The following CELF2 variants were observed in gnomAD, a reference collection of about 807,000 sequenced individuals.
CELF2 encodes CUG triplet repeat RNA-binding protein 2.
CELF2 carries 8 observed loss-of-function variants against 62.6 expected under a neutral mutation model. The ratio of observed to expected loss-of-function variants is 0.13; its 90% CI spans 0.07 to 0.23. CELF2 has a LOEUF of 0.23. Among genes scored for constraint, CELF2 ranks in the 10% least tolerant of loss-of-function variants. CELF2 has a pLI of 1.00. For missense variants in CELF2, 333 were observed against 671.0 expected (o/e 0.50, Z 5.56); for synonymous variants, 258 against 250.0 (o/e 1.03, Z -0.30).
At chr10:10,765,902 CAGGCACAAGCGCACTGGCCCA>C in the CELF2 span, among the ~76,000 whole-genome samples, 2 of 152,148 alleles carry the variant, frequency 1.3e-5, no homozygotes, top group Non-Finnish European at 2.9e-5. Context: ...CCCTGGATCC[CAGGCACAAGCGCACTGGCCCA>C]AGGCACAAGC....
chr10:10,509,222 T>C, the CELF2 span, among the ~76,000 whole-genome samples: 2 of 152,224 alleles, frequency 1.3e-5, no homozygotes, highest in African/African-American at 4.8e-5. Context: ...GACTGGATAT[T>C]ACTCTGTTGT....
intron 1 of CELF2, among the ~76,000 whole-genome samples, chr10:10,879,814 G>A (rs1458937600): frequency 6.6e-6 from 1 of 152,072 alleles, no homozygotes; most frequent in East Asian, 1.9e-4. Context: ...TTTTCAAAGA[G>A]TTTCACTGCT....
intron 1 of CELF2, among the ~76,000 whole-genome samples, chr10:11,146,095 G>T (rs1225311710): frequency 1.3e-5 from 2 of 152,194 alleles, no homozygotes; most frequent in Non-Finnish European, 2.9e-5. Flanking sequence ...CCCAGCCCAG[G>T]ATTGCATAGC....
At chr10:11,101,061 A>G (rs1030983817) in intron 1 of CELF2, among the ~76,000 whole-genome samples, 2 of 152,174 alleles carry the variant, frequency 1.3e-5, no homozygotes, top group African/African-American at 2.4e-5. Context: ...TGTTTGAGAG[A>G]GATTTAGAAG....
intron 1 of CELF2, among the ~76,000 whole-genome samples, chr10:10,859,610 C>T (rs1177176072): frequency 6.6e-6 from 1 of 152,134 alleles, no homozygotes; most frequent in African/African-American, 2.4e-5. Context: ...AATAACCACA[C>T]ACACATACAC....
chr10:10,949,381 A>C (rs1253821502), intron 2 of CELF2, among the ~76,000 whole-genome samples: 1 of 152,102 alleles, frequency 6.6e-6, no homozygotes, highest in Non-Finnish European at 1.5e-5. Context: ...TGGCGTCACC[A>C]CTGTGGATAA....
chr10:11,316,404 G>A lies in CELF2; in HGVS notation c.1096+2146G>A, dbSNP rs1370961671. ...GAGCCGTTTTACAATCTCCAGCATT[G>A]ACCTCGAGCTAATATTTGCTGCTTG... is the stretch of plus-strand genomic sequence containing the variant. On this transcript the variant is annotated intron_variant, in intron 10 of 12. Transcript: ENST00000633077. The surrounding 1 kb of genome is among the most constrained non-coding windows in gnomAD (Gnocchi z 4.4). 6.6e-6 allele frequency among the ~76,000 whole-genome samples: 1 copy of A among 152,184 alleles called. No individual in the cohort carries two copies. The highest frequency in any genetic ancestry group is 2.4e-5 in the African/African-American group (1 of 41,436).
At chr10:10,926,712 C>G (rs2065503138) in intron 2 of CELF2, among the ~76,000 whole-genome samples, 1 of 152,142 alleles carries the variant, frequency 6.6e-6, no homozygotes, top group Non-Finnish European at 1.5e-5. Context: ...CATTGGGTTT[C>G]TGGTATTCTC....
At chr10:10,812,963 A>G (rs1343004891) in intron 1 of CELF2, among the ~76,000 whole-genome samples, 1 of 152,206 alleles carries the variant, frequency 6.6e-6, no homozygotes, top group Non-Finnish European at 1.5e-5. Flanking sequence ...TTGCCCAACT[A>G]TAAAATTGTA....
intron 2 of CELF2, among the ~76,000 whole-genome samples, chr10:10,920,235 G>C (rs999188310): frequency 1.3e-5 from 2 of 152,152 alleles, no homozygotes; most frequent in Non-Finnish European, 2.9e-5. Flanking sequence ...ACATTCCTTT[G>C]AAGTCATATG....
At chr10:11,023,011 A>G (rs1001891143) in intron 1 of CELF2, among the ~76,000 whole-genome samples, 3 of 152,242 alleles carry the variant, frequency 2.0e-5, no homozygotes, top group East Asian at 1.9e-4. Flanking sequence ...CTTATGTTCA[A>G]TGCTGCACTT....
chr10:10,899,750 G>T (rs1001335517), intron 1 of CELF2, among the ~76,000 whole-genome samples: 1 of 152,292 alleles, frequency 6.6e-6, no homozygotes, highest in Non-Finnish European at 1.5e-5. Context: ...GGAAAGTGAC[G>T]GGGAAGCTAG....
rs183676968 is a variant in CELF2, at chr10:10,825,683, T to A, written c.53+26866T>A. Among the ~76,000 whole-genome samples, 13 of 152,318 alleles carry A rather than the reference T, an allele frequency of 8.5e-5. 1 individual carries two copies. The East Asian group carries it at 2.5e-3, about 29-fold the overall frequency. Reference sequence around the variant, plus strand: ...AGCAGCCATCTAGGTATCCGGAGTGTTGGTGGACTTCTCTGCAAAGTAATA... The same window carrying A: ...AGCAGCCATCTAGGTATCCGGAGTGATGGTGGACTTCTCTGCAAAGTAATA... On this transcript the variant is annotated intron_variant, in intron 1 of 13. Transcript: ENST00000636488.
chr10:11,065,209 G>T (rs773937529), intron 1 of CELF2, among the ~76,000 whole-genome samples: 1 of 152,194 alleles, frequency 6.6e-6, no homozygotes, highest in African/African-American at 2.4e-5. Flanking sequence ...GTGGCCACGA[G>T]TTTGATGATT....
chr10:10,571,822 C>T, the CELF2 span, among the ~76,000 whole-genome samples: 12 of 152,162 alleles, frequency 7.9e-5, no homozygotes, highest in African/African-American at 2.2e-4. Flanking sequence ...AGTATAGGCA[C>T]GGACGGAATT....
intron 1 of CELF2, among the ~76,000 whole-genome samples, chr10:11,143,434 T>C (rs1048740208): frequency 6.6e-6 from 1 of 152,228 alleles, no homozygotes; most frequent in South Asian, 2.1e-4. Context: ...ATATGTGTGC[T>C]TCCTCTCACT....
At chr10:11,195,387 T>A (rs2057191567) in intron 2 of CELF2, among the ~76,000 whole-genome samples, 1 of 152,188 alleles carries the variant, frequency 6.6e-6, no homozygotes, top group Non-Finnish European at 1.5e-5. Context: ...ACTTCTGCTT[T>A]TGCTACATGA....
intron 1 of CELF2, among the ~76,000 whole-genome samples, chr10:11,161,978 C>T (rs529445574): frequency 5.3e-4 from 81 of 152,262 alleles, no homozygotes; most frequent in African/African-American, 1.5e-3. Context: ...AGTGAGTCTC[C>T]GCTAAAAATG....
chr10:10,537,544 AC>A, the CELF2 span, among the ~76,000 whole-genome samples: 1 of 152,138 alleles, frequency 6.6e-6, no homozygotes, highest in Non-Finnish European at 1.5e-5. Context: ...TCATCCACTT[AC>A]CTTAAAAAAT....
Sources: gnomAD v4.1 joint callset for allele counts (sites outside exome capture counted in the v4.1 genomes callset) on GRCh38, gnomAD v4.1.1 for gene constraint, Gnocchi (gnomAD v3.1) non-coding constraint, MANE v1.5 for transcripts, NCBI Gene and HGNC (gene_info 2026-07-23, HGNC 2026-07-21) for gene names.